GNS: variants seen among roughly 807,000 people sequenced by gnomAD.
GNS encodes glucosamine (N-acetyl)-6-sulfatase, also known as N-acetylglucosamine-6-sulfatase.
A neutral mutation model predicts 69.7 loss-of-function variants in GNS; 40 were observed. The observed-to-expected ratio is 0.57, with a 90% CI of 0.45 to 0.75. The LOEUF is 0.75. GNS is among the 30% of genes least tolerant of loss of function. The probability of loss-of-function intolerance (pLI) is 0.00; values close to 1 mark genes in which losing one functional copy is unlikely to be tolerated. For missense variants in GNS, 565 were observed against 685.5 expected, an observed-to-expected ratio of 0.82 and a Z score of 1.96; for synonymous variants, 243 against 251.6, an observed-to-expected ratio of 0.97 and a Z score of 0.32.
intron 6 of GNS, among the ~76,000 whole-genome samples, chr12:64,741,201 C>T (rs1322211218): frequency 1.3e-4 from 2 of 15,720 alleles, no homozygotes; most frequent in Non-Finnish European, 1.9e-4. Flanking sequence ...AGCGAGACTC[C>T]GTCTCAAAAA....
rs555597701 is a variant in GNS, at chr12:64,753,011, GC to G, written c.193-255del. 4.1e-4 allele frequency: 219 copies of G among 531,218 alleles called. 1 individual carries two copies. Among genetic ancestry groups the G allele is most frequent in the African/African-American group, 4.0e-3 (210 of 52,378 alleles). The allele number at this position is 531,218 out of a possible 1,614,324, so 32.9% of individuals were successfully genotyped here. On this transcript the variant is annotated intron_variant, in intron 1 of 13. Coordinates refer to ENST00000258145, the MANE Select transcript of GNS (RefSeq NM_002076.4). ...CAGTTGATGGCAATAACATCTTTGT[GC>G]CCTTATTAGTCATCAGCGCCCAGAT...
chr12:64,754,852 G>A (rs1313971133), intron 1 of GNS, among the ~76,000 whole-genome samples: 3 of 150,748 alleles, frequency 2.0e-5, no homozygotes, highest in African/African-American at 7.3e-5. Context: ...CTGCACCACT[G>A]CAATCTAGCC....
intron 2 of GNS, among the ~76,000 whole-genome samples, chr12:64,749,873 ATTTT>A (rs35784292): frequency 7.8e-6 from 1 of 127,804 alleles, no homozygotes; most frequent in African/African-American, 3.0e-5. Flanking sequence ...TGGTAGAGCA[ATTTT>A]TTTTTTTTTT....
chr12:64,719,480 T>C (rs1868957595), intron 13 of GNS, among the ~76,000 whole-genome samples: 1 of 152,174 alleles, frequency 6.6e-6, no homozygotes, highest in Non-Finnish European at 1.5e-5. Context: ...AAATCTGACA[T>C]AGCAGGTGAC....
chr12:64,746,086 A>G, intron 3 of GNS: 2 of 339,990 alleles, frequency 5.9e-6, no homozygotes, highest in Non-Finnish European at 1.1e-5. Flanking sequence ...ACACAGCCAC[A>G]TTCATTTACA....
In GNS at chr12:64,720,176, C is replaced by T. The variant is rs2136236647; in HGVS notation, c.1426G>A (p.Val476Ile). ...YCEFDDQEVF[V>I]EVYNLTADPD... ...TCTGCAGTCAGATTATAGACTTCTA[C>T]AAACACCTAGAGGACATGAAAGAAT... is the stretch of plus-strand genomic sequence containing the variant. Residue 476 changes from valine (V) to isoleucine (I), a missense_variant, in exon 13 of 14, where the codon GTA becomes ATA. Val to Ile is a conservative substitution (Grantham distance 29). Coordinates refer to ENST00000258145, the MANE Select transcript of GNS (RefSeq NM_002076.4). 6 of 1,592,772 alleles carry T rather than the reference C, an allele frequency of 3.8e-6. No homozygotes were observed. The highest frequency in any genetic ancestry group is 5.2e-6 in the Non-Finnish European group (6 of 1,161,240).
At chr12:64,740,412 T>C (rs868252506) in intron 7 of GNS, among the ~76,000 whole-genome samples, 194 bp downstream of exon 7, 8 of 152,164 alleles carry the variant, frequency 5.3e-5, no homozygotes, top group Non-Finnish European at 1.0e-4. Context: ...AGTACTGGGG[T>C]CCAAATGCCA....
chr12:64,719,833 G>A (rs1868970266), intron 13 of GNS, among the ~76,000 whole-genome samples, 189 bp downstream of exon 13: 1 of 152,162 alleles, frequency 6.6e-6, no homozygotes, highest in Admixed American at 6.5e-5. Context: ...AGTAACAACT[G>A]GCAGTGGAGA....
chr12:64,740,776 C>T (rs1052712622), intron 6 of GNS, 88 bp from the exon 7 acceptor site: 9 of 743,566 alleles, frequency 1.2e-5, no homozygotes, highest in Admixed American at 3.8e-5. Flanking sequence ...TAAATAGAAC[C>T]GTTTCACTCA....
chr12:64,729,370 T>C (rs558178730), intron 9 of GNS, among the ~76,000 whole-genome samples: 1 of 152,354 alleles, frequency 6.6e-6, no homozygotes, highest in South Asian at 2.1e-4. Flanking sequence ...TTGCGAATCA[T>C]GAGAAAAATG....
At chr12:64,740,729 A>G (rs781507431) in intron 6 of GNS, 41 bp from the exon 7 acceptor site, 1 of 919,592 alleles carries the variant, frequency 1.1e-6, no homozygotes, top group South Asian at 1.3e-5. Context: ...CCAAGTCACC[A>G]CAGTCAAACA....
intron 10 of GNS, among the ~76,000 whole-genome samples, chr12:64,726,794 C>CT (rs1869215112): frequency 6.6e-6 from 1 of 152,082 alleles, no homozygotes; most frequent in Non-Finnish European, 1.5e-5. Context: ...CTGCACCTGG[C>CT]TCCCATATCT....
rs1018300414 is a variant in GNS at position 64,714,020 on chromosome 12, T to C, written c.*2721A>G. On this transcript the variant is annotated 3_prime_UTR_variant, in exon 14 of 14. Transcript: ENST00000258145. ...GGCAGGCGCCTGTAATCTCAGCTAC[T>C]TGGGAGGCTGAGGCAGGAGAACTGC... 6.6e-6 allele frequency: 1 copy of C among 151,998 alleles called. No homozygotes were observed. The highest frequency in any genetic ancestry group is 1.5e-5 in the Non-Finnish European group (1 of 68,024). 9.4% of individuals were successfully genotyped at this position (151,998 alleles called of 1,614,324 possible).
intron 10 of GNS, among the ~76,000 whole-genome samples, chr12:64,727,065 A>G (rs890720343): frequency 1.3e-5 from 2 of 152,120 alleles, no homozygotes; most frequent in African/African-American, 4.8e-5. Context: ...ACAATGAGAT[A>G]CTACTTCACA....
At position 64,759,070 on chromosome 12, in the gene GNS, A is replaced by T. The variant is rs1037358210; in HGVS notation, c.192+15T>A. On this transcript the variant is annotated intron_variant, in intron 1 of 13. Transcript: ENST00000258145. ...CCCAAGAGATAGAGGGGCGGGGCAG[A>T]AACAGAAGAGTTACCATGCCGCCGA... The T allele has an allele frequency of 7.1e-6, 11 of 1,552,032 alleles. No individual in the cohort carries two copies. The highest frequency in any genetic ancestry group is 6.1e-6 in the Non-Finnish European group (7 of 1,145,830).
intron 9 of GNS, among the ~76,000 whole-genome samples, chr12:64,736,445 C>T (rs950829597): frequency 1.3e-5 from 2 of 152,182 alleles, no homozygotes; most frequent in South Asian, 2.1e-4. Context: ...AGACATCACC[C>T]GGGAGCTGAT....
chr12:64,715,095 T>C lies in GNS; in HGVS notation c.*1646A>G, dbSNP rs1417307399. ...AGACTTTAAATAAAGCTAAAATCGC[T>C]TATTGCCTGAGTTGAACAAGTTACA... On this transcript the variant is annotated 3_prime_UTR_variant, in exon 14 of 14. Coordinates refer to ENST00000258145, the MANE Select transcript of GNS (RefSeq NM_002076.4). 2 of 152,648 alleles carry C rather than the reference T, an allele frequency of 1.3e-5. No individual in the cohort carries two copies. Among genetic ancestry groups the C allele is most frequent in the Admixed American group, 6.5e-5 (1 of 15,276 alleles). The allele number at this position is 152,648 out of a possible 1,614,324, so 9.5% of individuals were successfully genotyped here. A position where few individuals can be genotyped will look rare whatever the true frequency, so the allele number is the denominator to read the frequency against.
At chr12:64,723,268 C>T (rs1347203105) in intron 10 of GNS, among the ~76,000 whole-genome samples, 155 bp from the exon 11 acceptor site, 1 of 152,194 alleles carries the variant, frequency 6.6e-6, no homozygotes, top group Non-Finnish European at 1.5e-5. Flanking sequence ...CATATGAAAG[C>T]TACTGAGCAG....
rs547985831 is a variant in GNS, at chr12:64,716,889, A to G, written c.1581-70T>C. On this transcript the variant is annotated intron_variant, in intron 13 of 13. Transcript: ENST00000258145. ...TCACTCAGAATATTATTCAGTGGAA[A>G]GGATAGCAGGAAGGGGTGTAAAAGA... is the stretch of plus-strand genomic sequence containing the variant. 2.6e-4 allele frequency: 256 copies of G among 972,586 alleles called. 3 individuals carry two copies. Among genetic ancestry groups the G allele is most frequent in the Middle Eastern group, 9.4e-4 (4 of 4,262 alleles). The allele number at this position is 972,586 out of a possible 1,614,324, so 60.2% of individuals were successfully genotyped here.
Sources: allele counts gnomAD v4.1 joint callset (sites outside exome capture counted in the v4.1 genomes callset), GRCh38; gene constraint gnomAD v4.1.1; transcripts MANE v1.5; gene names NCBI Gene and HGNC (gene_info 2026-07-23, HGNC 2026-07-21).